NCKAP5: variants seen among roughly 807,000 people sequenced by gnomAD.
The protein encoded by NCKAP5 is NCK associated protein 5, also known as nck-associated protein 5.
NCKAP5 carries 92 observed loss-of-function variants against 167.0 expected under a neutral mutation model. That is an observed-to-expected ratio of 0.55 (90% CI 0.47 to 0.66). The LOEUF (loss-of-function observed/expected upper bound fraction) is 0.66, where lower values mean the gene tolerates loss of function less well. Ranked by LOEUF, NCKAP5 falls within the 30% of genes least tolerant of loss-of-function variation. The pLI is 0.00. For missense variants in NCKAP5, 2,378 were observed against 2,315.0 expected (o/e 1.03, Z -0.56); for synonymous variants, 891 against 877.4 (o/e 1.02, Z -0.27).
At chr2:132,985,535 A>G (rs1053828548) in intron 7 of NCKAP5, among the ~76,000 whole-genome samples, 9 of 152,234 alleles carry the variant, frequency 5.9e-5, no homozygotes, top group African/African-American at 2.2e-4. Flanking sequence ...ATAATTTCAA[A>G]GAGAAAAGGA....
At position 132,782,404 on chromosome 2, in the gene NCKAP5, T is replaced by C; in HGVS notation, c.4407A>G (p.Ser1469=). The stretch of plus-strand genomic sequence containing the variant: ...ACATGACCTTTTCTTCGATTGTGGG[T>C]GAGAGGGGGGCTTCTGAACTCACAG... ...TDAVSSEAPL[S]PTIEEKVMLC... Residue 1469 remains serine, a synonymous_variant, in exon 14 of 20, where the codon TCA becomes TCG. Transcript: ENST00000409261. 6.2e-7 allele frequency: 1 copy of C among 1,613,994 alleles called. No homozygotes were observed. The highest frequency in any genetic ancestry group is 8.5e-7 in the Non-Finnish European group (1 of 1,179,896).
At chr2:133,143,298 G>A (rs925336748) in intron 5 of NCKAP5, among the ~76,000 whole-genome samples, 2 of 152,090 alleles carry the variant, frequency 1.3e-5, no homozygotes, top group Admixed American at 6.6e-5. Context: ...CCATTACACA[G>A]GTTATAACTC....
intron 2 of NCKAP5, among the ~76,000 whole-genome samples, chr2:133,541,461 A>G (rs1387619570): frequency 6.6e-6 from 1 of 152,148 alleles, no homozygotes; most frequent in Non-Finnish European, 1.5e-5. Context: ...ATTTTATGCA[A>G]TATATGGTAA....
At chr2:132,943,655 A>C (rs1034338832) in intron 8 of NCKAP5, among the ~76,000 whole-genome samples, 3 of 152,178 alleles carry the variant, frequency 2.0e-5, no homozygotes, top group Non-Finnish European at 4.4e-5. Context: ...CACCTTTTCA[A>C]CACATCTGCA....
chr2:133,625,102 A>T, the NCKAP5 span, among the ~76,000 whole-genome samples: 25 of 152,338 alleles, frequency 1.6e-4, 1 homozygote, highest in Middle Eastern at 0.02. Flanking sequence ...TTGGTATTAC[A>T]TGGTTGCTAT....
intron 3 of NCKAP5, among the ~76,000 whole-genome samples, chr2:133,315,702 T>C (rs1681557098): frequency 2.7e-5 from 4 of 150,664 alleles, no homozygotes; most frequent in Admixed American, 2.6e-4. Context: ...AAGAAGAAAG[T>C]AGTGTTAAAT....
At chr2:132,909,149 C>G (rs1574595595) in intron 8 of NCKAP5, among the ~76,000 whole-genome samples, 1 of 152,156 alleles carries the variant, frequency 6.6e-6, no homozygotes, top group African/African-American at 2.4e-5. Context: ...GAGTTCAAGA[C>G]CAGCATGGTC....
rs998258550 is a variant in NCKAP5, at chr2:133,434,180, T to C, written c.69+83278A>G. 3.3e-5 allele frequency among the ~76,000 whole-genome samples: 5 copies of C among 152,322 alleles called. No individual in the cohort carries two copies. The East Asian group carries it at 9.6e-4, about 29-fold the overall frequency. ...AAATTCTCAAGGATAATCCAAGATA[T>C]GTTTAGTGAGCCCAGTGTTTACCTC... On this transcript the variant is annotated intron_variant, in intron 3 of 19. Transcript: ENST00000409261.
chr2:132,696,766 CT>C (rs1333658065), intron 19 of NCKAP5, among the ~76,000 whole-genome samples: 2 of 152,164 alleles, frequency 1.3e-5, no homozygotes, highest in Admixed American at 6.5e-5. Context: ...CAGTTTACAT[CT>C]TTTTAAATGA....
intron 8 of NCKAP5, among the ~76,000 whole-genome samples, chr2:132,950,874 C>G (rs556834245): frequency 6.6e-6 from 1 of 151,576 alleles, no homozygotes; most frequent in Non-Finnish European, 1.5e-5. Context: ...GCCCCAGGAA[C>G]CTAAGAAGCA....
intron 6 of NCKAP5, among the ~76,000 whole-genome samples, chr2:133,019,416 A>G (rs1429481821): frequency 6.6e-6 from 1 of 152,128 alleles, no homozygotes; most frequent in Non-Finnish European, 1.5e-5. Flanking sequence ...GGGGAATGAT[A>G]AAATGGAAGC....
At chr2:132,684,907 C>A (rs1202369190) in intron 19 of NCKAP5, among the ~76,000 whole-genome samples, 8 of 152,190 alleles carry the variant, frequency 5.3e-5, no homozygotes, top group Admixed American at 5.2e-4. Context: ...GGAAGGAGGG[C>A]AGGCAGGCCT....
At chr2:133,258,434 T>C (rs1445153511) in intron 4 of NCKAP5, among the ~76,000 whole-genome samples, 1 of 152,104 alleles carries the variant, frequency 6.6e-6, no homozygotes, top group Non-Finnish European at 1.5e-5. Flanking sequence ...GCCCCCACAA[T>C]ATGTTCCCTT....
intron 6 of NCKAP5, among the ~76,000 whole-genome samples, chr2:133,128,249 G>A (rs2082467207): frequency 6.6e-6 from 1 of 152,164 alleles, no homozygotes; most frequent in Non-Finnish European, 1.5e-5. Context: ...GACGATTTTA[G>A]GGCAACTTCT....
intron 16 of NCKAP5, among the ~76,000 whole-genome samples, chr2:132,750,571 G>A (rs910301092): frequency 6.6e-6 from 1 of 152,164 alleles, no homozygotes; most frequent in Non-Finnish European, 1.5e-5. Context: ...GTTATAGCAT[G>A]GGAAAAGATC....
At chr2:133,061,563 C>A (rs1232128530) in intron 6 of NCKAP5, among the ~76,000 whole-genome samples, 1 of 152,130 alleles carries the variant, frequency 6.6e-6, no homozygotes, top group African/African-American at 2.4e-5. Context: ...GGGAGTAATC[C>A]TCCACCCAAG....
intron 5 of NCKAP5, among the ~76,000 whole-genome samples, chr2:133,204,312 A>T (rs1369631402): frequency 6.6e-6 from 1 of 152,192 alleles, no homozygotes; most frequent in East Asian, 1.9e-4. Flanking sequence ...CACAATTTTT[A>T]AACAGTTTTA....
chr2:132,718,359 CCTTTA>C (rs755652803), intron 19 of NCKAP5, among the ~76,000 whole-genome samples: 8 of 152,164 alleles, frequency 5.3e-5, no homozygotes, highest in Non-Finnish European at 8.8e-5. Context: ...AAGTTTTCAA[CCTTTA>C]CTTCTCTCTT....
At chr2:133,387,533 C>T (rs1213113382) in intron 3 of NCKAP5, among the ~76,000 whole-genome samples, 1 of 152,262 alleles carries the variant, frequency 6.6e-6, no homozygotes, top group East Asian at 1.9e-4. Context: ...CTTGGAGTTG[C>T]TCTTCTCGAG....
Sources: allele counts gnomAD v4.1 joint callset (sites outside exome capture counted in the v4.1 genomes callset), GRCh38; gene constraint gnomAD v4.1.1; transcripts MANE v1.5; gene names NCBI Gene and HGNC (gene_info 2026-07-23, HGNC 2026-07-21).